The following COBL variants were observed in gnomAD, a reference collection of about 807,000 sequenced individuals.
The protein encoded by COBL is protein cordon-bleu.
Under a neutral mutation model 98.8 loss-of-function variants are expected in COBL, and 51 were observed. That is an observed-to-expected ratio of 0.52 (90% CI 0.41 to 0.65). The LOEUF (loss-of-function observed/expected upper bound fraction) is 0.65, where lower values mean the gene tolerates loss of function less well. Ranked by LOEUF, COBL falls within the 30% of genes least tolerant of loss-of-function variation. COBL has a pLI of 0.00. For missense variants in COBL, 1,617 were observed against 1,617.5 expected (o/e 1.00, Z 0.01); for synonymous variants, 634 against 651.7 (o/e 0.97, Z 0.41).
chr7:51,316,577 C>G lies in COBL; in HGVS notation c.41+16G>C, dbSNP rs1045886711. On this transcript the variant is annotated intron_variant, in intron 1 of 12. Coordinates refer to ENST00000265136, the MANE Select transcript of COBL (RefSeq NM_015198.5). ...GAAGCCCCCTCTCCACCCCGCCCGA[C>G]CGCGGGGCCGCTTACCCGGTCGGGG... 1.7e-6 allele frequency: 2 copies of G among 1,208,266 alleles called. No individual in the cohort carries two copies. The highest frequency in any genetic ancestry group is 2.1e-6 in the Non-Finnish European group (2 of 972,770). 74.8% of individuals were successfully genotyped at this position (1,208,266 alleles called of 1,614,324 possible).
intron 8 of COBL, among the ~76,000 whole-genome samples, chr7:51,040,071 G>C (rs1174511510): frequency 6.6e-6 from 1 of 152,070 alleles, no homozygotes; most frequent in Non-Finnish European, 1.5e-5. Flanking sequence ...TGCATTGCAT[G>C]GGAGGCACTG....
At chr7:51,047,393 T>C (rs1277659644) in intron 7 of COBL, among the ~76,000 whole-genome samples, 2 of 152,194 alleles carry the variant, frequency 1.3e-5, no homozygotes, top group East Asian at 1.9e-4. Flanking sequence ...AGCTCAAGTA[T>C]AAAGAAGAAA....
intron 12 of COBL, among the ~76,000 whole-genome samples, chr7:51,020,301 C>T (rs1786799377): frequency 6.6e-6 from 1 of 152,190 alleles, no homozygotes; most frequent in African/African-American, 2.4e-5. Context: ...GAAAGATCCA[C>T]AAGTCATCGG....
At chr7:51,228,789 G>A (rs947315250) in intron 1 of COBL, among the ~76,000 whole-genome samples, 1 of 152,152 alleles carries the variant, frequency 6.6e-6, no homozygotes, top group African/African-American at 2.4e-5. Context: ...GCCTGTCGGT[G>A]AGGATCACTT....
At chr7:51,039,013 T>C (rs951079500) in intron 8 of COBL, among the ~76,000 whole-genome samples, 1 of 151,972 alleles carries the variant, frequency 6.6e-6, no homozygotes, top group African/African-American at 2.4e-5. Context: ...TCATCCAGGG[T>C]AGGGCCAGGA....
At chr7:51,134,217 TA>T (rs1282035759) in intron 6 of COBL, among the ~76,000 whole-genome samples, 1 of 152,234 alleles carries the variant, frequency 6.6e-6, no homozygotes, top group African/African-American at 2.4e-5. Context: ...CCTTTCAGTT[TA>T]AAAAAGCATG....
intron 5 of COBL, among the ~76,000 whole-genome samples, chr7:51,144,226 C>T (rs935569686): frequency 3.9e-5 from 6 of 152,188 alleles, no homozygotes; most frequent in African/African-American, 1.4e-4. Context: ...CGTGTGCAGA[C>T]ATGTATTTTA....
At chr7:51,146,994 G>A (rs1044413759) in intron 5 of COBL, among the ~76,000 whole-genome samples, 1 of 152,294 alleles carries the variant, frequency 6.6e-6, no homozygotes, top group South Asian at 2.1e-4. Context: ...GCCAGCAGGG[G>A]GTTGCTCATT....
intron 6 of COBL, among the ~76,000 whole-genome samples, chr7:51,124,148 A>C (rs948000087): frequency 6.6e-6 from 1 of 152,204 alleles, no homozygotes; most frequent in Non-Finnish European, 1.5e-5. Flanking sequence ...CTGGGATGCA[A>C]GAAGAACTGA....
chr7:51,264,505 T>A (rs1798002076), intron 1 of COBL, among the ~76,000 whole-genome samples: 1 of 151,530 alleles, frequency 6.6e-6, no homozygotes, highest in South Asian at 2.1e-4. Context: ...ACCCCGTCTC[T>A]ACTAAAAATA....
chr7:51,271,011 A>G (rs1798707218), intron 1 of COBL, among the ~76,000 whole-genome samples: 1 of 152,142 alleles, frequency 6.6e-6, no homozygotes, highest in African/African-American at 2.4e-5. Context: ...CTCTGCATCA[A>G]CCTAAATCCT....
At chr7:51,046,713 C>T (rs1188280976) in intron 7 of COBL, among the ~76,000 whole-genome samples, 3 of 152,104 alleles carry the variant, frequency 2.0e-5, no homozygotes, top group African/African-American at 4.8e-5. Context: ...GTTGGGGGCC[C>T]AGGTCCTGTC....
At chr7:51,314,392 T>C (rs976576533) in intron 1 of COBL, among the ~76,000 whole-genome samples, 1 of 152,208 alleles carries the variant, frequency 6.6e-6, no homozygotes, top group African/African-American at 2.4e-5. Context: ...CTGCAAACAC[T>C]GCCTTAATCT....
chr7:51,045,697 C>T (rs142349413), intron 7 of COBL, among the ~76,000 whole-genome samples: 226 of 152,280 alleles, frequency 1.5e-3, no homozygotes, highest in African/African-American at 5.2e-3. Flanking sequence ...CAGAACACAT[C>T]GCAGGGCAGA....
At chr7:51,266,546 C>T (rs1431664541) in intron 1 of COBL, among the ~76,000 whole-genome samples, 1 of 152,148 alleles carries the variant, frequency 6.6e-6, no homozygotes, top group Non-Finnish European at 1.5e-5. Flanking sequence ...CCATTGCACT[C>T]CAGCCTGGGC....
chr7:51,061,030 TG>T (rs1328618624), intron 7 of COBL, among the ~76,000 whole-genome samples: 1 of 152,170 alleles, frequency 6.6e-6, no homozygotes, highest in Non-Finnish European at 1.5e-5. Flanking sequence ...GTACCACTAA[TG>T]GCCCAGACCC....
At position 51,190,911 on chromosome 7, in the gene COBL, CT is replaced by C; in HGVS notation, c.623del (p.Glu208GlyfsTer6). ...CGAGCTCGTTCAGGGACTTGGACAG[CT>C]CCAGCTCCTCTCCGGCAATGTTGTC... ...LRDNIAGEEL[E>X]LSKSLNELGI... On this transcript the variant is annotated frameshift_variant, in exon 4 of 13. Transcript: ENST00000265136. LOFTEE classifies it high-confidence loss of function. 6.2e-7 allele frequency: 1 copy of C among 1,614,172 alleles called. No individual in the cohort carries two copies. The highest frequency in any genetic ancestry group is 8.5e-7 in the Non-Finnish European group (1 of 1,180,026).
chr7:51,178,874 G>A (rs1298191690), intron 5 of COBL, among the ~76,000 whole-genome samples: 1 of 152,164 alleles, frequency 6.6e-6, no homozygotes, highest in Non-Finnish European at 1.5e-5. Context: ...CTCCCAAAGT[G>A]CTGGGATTAC....
At chr7:51,026,747 C>A in intron 10 of COBL, 82 bp from the exon 11 acceptor site, 3 of 1,535,748 alleles carry the variant, frequency 2.0e-6, no homozygotes, top group Non-Finnish European at 2.7e-6. Flanking sequence ...AAAACCCACT[C>A]ATGGGCCAGG....
Sources: allele counts gnomAD v4.1 joint callset (sites outside exome capture counted in the v4.1 genomes callset), GRCh38; gene constraint gnomAD v4.1.1; transcripts MANE v1.5; gene names NCBI Gene and HGNC (gene_info 2026-07-23, HGNC 2026-07-21).